Variants in UBE2K observed in about 807,000 individuals in gnomAD.
UBE2K encodes ubiquitin-conjugating enzyme E2 K.
In UBE2K, 6 loss-of-function variants were observed where a neutral mutation model predicts 30.0. That is an observed-to-expected ratio of 0.20 (90% confidence interval 0.11 to 0.39). The LOEUF (loss-of-function observed/expected upper bound fraction) is 0.39. UBE2K is among the 10% of genes least tolerant of loss of function. The pLI is 1.00. For missense variants in UBE2K, 61 were observed against 241.6 expected, an observed-to-expected ratio of 0.25 and a Z score of 4.96; for synonymous variants, 86 against 83.7, an observed-to-expected ratio of 1.03 and a Z score of -0.15.
chr4:39,772,594 G>C (rs1273151407), intron 4 of UBE2K, among the ~76,000 whole-genome samples: 1 of 147,554 alleles, frequency 6.8e-6, no homozygotes, highest in African/African-American at 2.5e-5. Flanking sequence ...AAAGAAGAAT[G>C]ATCTAATTTA....
rs1720442361 is a variant in UBE2K at position 39,737,524 on chromosome 4, T to C, written c.157+11T>C. 6.6e-7 allele frequency: 1 copy of C among 1,506,584 alleles called. No homozygotes were observed. Among genetic ancestry groups the C allele is most frequent in the African/African-American group, 1.4e-5 (1 of 70,204 alleles). The allele number at this position is 1,506,584 out of a possible 1,614,324, so 93.3% of individuals were successfully genotyped here. A position where few individuals can be genotyped will look rare whatever the true frequency, so the allele number is the denominator to read the frequency against. On this transcript the variant is annotated intron_variant, in intron 2 of 6. Transcript: ENST00000261427. The stretch of plus-strand genomic sequence containing the variant: ...ACACACCATATGAAGGCAAGTACTT[T>C]TTTCTGTATCAAAATATTGTGCGTA...
chr4:39,766,078 T>C (rs1356006527), intron 4 of UBE2K, among the ~76,000 whole-genome samples: 10 of 152,194 alleles, frequency 6.6e-5, no homozygotes, highest in Admixed American at 6.5e-4. Flanking sequence ...ATATTAATAC[T>C]CCAGTTACTG....
rs1309167240 is a variant in UBE2K at position 39,779,846 on chromosome 4, T to A, written c.*1412T>A. 6.6e-6 allele frequency: 1 copy of A among 152,194 alleles called. No homozygotes were observed. Among genetic ancestry groups the A allele is most frequent in the African/African-American group, 2.4e-5 (1 of 41,464 alleles). The allele number at this position is 152,194 out of a possible 1,614,324, so 9.4% of individuals were successfully genotyped here. A position where few individuals can be genotyped will look rare whatever the true frequency, so the allele number is the denominator to read the frequency against. On this transcript the variant is annotated 3_prime_UTR_variant, in exon 7 of 7. Coordinates refer to ENST00000261427, the MANE Select transcript of UBE2K (RefSeq NM_005339.5). ...AGGCTGTATATTGAAAGTCATATTA[T>A]AAAAGGTTTGCTTTCTTTAAGTGTT...
At chr4:39,774,786 G>A (rs1164636294) in intron 4 of UBE2K, 48 bp from the exon 5 acceptor site, 1 of 1,203,258 alleles carries the variant, frequency 8.3e-7, no homozygotes, top group Non-Finnish European at 1.1e-6. Context: ...CTTTGCTTTT[G>A]CCTGCAGAGC....
intron 1 of UBE2K, among the ~76,000 whole-genome samples, chr4:39,717,326 C>T (rs1410015754): frequency 6.6e-6 from 1 of 151,702 alleles, no homozygotes; most frequent in Admixed American, 6.6e-5. Context: ...CTCCATCTCC[C>T]GTGTTCAAGC....
intron 1 of UBE2K, among the ~76,000 whole-genome samples, chr4:39,722,915 C>T (rs1016569787): frequency 1.3e-5 from 2 of 151,900 alleles, no homozygotes; most frequent in African/African-American, 4.8e-5. Context: ...CCTGCCTCAG[C>T]CCCCCAAGTA....
chr4:39,698,883 T>C (rs1467537207), intron 1 of UBE2K, among the ~76,000 whole-genome samples: 1 of 152,190 alleles, frequency 6.6e-6, no homozygotes, highest in Non-Finnish European at 1.5e-5. Context: ...GAAGGAGCAG[T>C]GAGTCCTTAG....
chr4:39,764,961 A>C (rs1387878174), intron 4 of UBE2K, among the ~76,000 whole-genome samples: 4 of 151,136 alleles, frequency 2.6e-5, no homozygotes, highest in African/African-American at 9.8e-5. Flanking sequence ...ATCTCGGCTG[A>C]CTGTAAGCTC....
At chr4:39,734,183 C>T (rs143546067) in intron 1 of UBE2K, among the ~76,000 whole-genome samples, 1 of 149,446 alleles carries the variant, frequency 6.7e-6, no homozygotes, top group African/African-American at 2.5e-5. Context: ...TCGGCTCACT[C>T]CAACCTCCAC....
chr4:39,769,528 A>T (rs1299793537), intron 4 of UBE2K, among the ~76,000 whole-genome samples: 1 of 151,306 alleles, frequency 6.6e-6, no homozygotes, highest in African/African-American at 2.4e-5. Flanking sequence ...AGCAAGCCTC[A>T]TACTTGCAGT....
Position 39,698,278 on chromosome 4 carries a change from G to C in UBE2K, c.-50G>C. On this transcript the variant is annotated 5_prime_UTR_variant, in exon 1 of 7. Coordinates refer to ENST00000261427, the MANE Select transcript of UBE2K (RefSeq NM_005339.5). ...GGAAGAGGTGGCGGCGGTGGCGGTG[G>C]TCGTAGCGGTGGCGGAGGAGGCGGG... is the stretch of plus-strand genomic sequence containing the variant. The C allele has an allele frequency of 6.3e-7, 1 of 1,578,832 alleles. No individual in the cohort carries two copies. Among genetic ancestry groups the C allele is most frequent in the East Asian group, 2.3e-5 (1 of 44,018 alleles).
chr4:39,737,530 G>T lies in UBE2K; in HGVS notation c.157+17G>T, dbSNP rs1720442782. On this transcript the variant is annotated intron_variant, in intron 2 of 6. Coordinates refer to ENST00000261427, the MANE Select transcript of UBE2K (RefSeq NM_005339.5). ...CATATGAAGGCAAGTACTTTTTTCT[G>T]TATCAAAATATTGTGCGTATTAGAA... 1 of 1,480,094 alleles carries T rather than the reference G, an allele frequency of 6.8e-7. No homozygotes were observed. The highest frequency in any genetic ancestry group is 9.2e-7 in the Non-Finnish European group (1 of 1,092,098). 91.7% of individuals were successfully genotyped at this position (1,480,094 alleles called of 1,614,324 possible).
intron 1 of UBE2K, among the ~76,000 whole-genome samples, chr4:39,707,159 C>G (rs1181362875): frequency 6.6e-6 from 1 of 152,010 alleles, no homozygotes; most frequent in Non-Finnish European, 1.5e-5. Flanking sequence ...ATCTGGCTGT[C>G]TTGGCCTCCC....
chr4:39,743,496 C>T (rs953149614), intron 2 of UBE2K, among the ~76,000 whole-genome samples: 10 of 151,698 alleles, frequency 6.6e-5, no homozygotes, highest in Middle Eastern at 3.4e-3. Flanking sequence ...CCCAGCTAAT[C>T]GGGAGGCTGA....
chr4:39,738,893 T>G lies in UBE2K; in HGVS notation c.157+1380T>G, dbSNP rs374175505. Among the ~76,000 whole-genome samples, 3 of 152,192 alleles carry G rather than the reference T, an allele frequency of 2.0e-5. No homozygotes were observed. The East Asian group carries it at 5.8e-4, about 29-fold the overall frequency. On this transcript the variant is annotated intron_variant, in intron 2 of 6. Transcript: ENST00000261427. The stretch of plus-strand genomic sequence containing the variant: ...TTTCACAATAACGGCCAGGCTGGTC[T>G]TGAACTTCTGACCTTAGGTGATCCG...
intron 1 of UBE2K, among the ~76,000 whole-genome samples, chr4:39,734,583 G>A (rs2109345721): frequency 6.6e-6 from 1 of 152,250 alleles, no homozygotes; most frequent in South Asian, 2.1e-4. Flanking sequence ...GGCCAAAGGT[G>A]GTGGATCACT....
chr4:39,698,875 A>C (rs1307525686), intron 1 of UBE2K, among the ~76,000 whole-genome samples: 1 of 152,176 alleles, frequency 6.6e-6, no homozygotes, highest in Non-Finnish European at 1.5e-5. Flanking sequence ...TTCTTGGGGA[A>C]GGAGCAGTGA....
intron 1 of UBE2K, among the ~76,000 whole-genome samples, chr4:39,707,166 T>TCC (rs950327205): frequency 6.6e-6 from 1 of 152,048 alleles, no homozygotes; most frequent in African/African-American, 2.4e-5. Flanking sequence ...TGTCTTGGCC[T>TCC]CCCAAAGTGC....
In UBE2K at chr4:39,766,557, A is replaced by G. The variant is rs374352849; in HGVS notation, c.300-8277A>G. 9.7e-4 allele frequency among the ~76,000 whole-genome samples: 148 copies of G among 151,828 alleles called. 1 individual carries two copies. The highest frequency in any genetic ancestry group is 3.2e-3 in the African/African-American group (133 of 41,410). On this transcript the variant is annotated intron_variant, in intron 4 of 6. Coordinates refer to ENST00000261427, the MANE Select transcript of UBE2K (RefSeq NM_005339.5). Reference sequence around the variant, plus strand: ...CCCTCACCAGATAAATGATTTGGAAATATTTTCTCCTGCAACACAGAAGTT... The same window carrying G: ...CCCTCACCAGATAAATGATTTGGAAGTATTTTCTCCTGCAACACAGAAGTT...
Sources: gnomAD v4.1 joint callset for allele counts (sites outside exome capture counted in the v4.1 genomes callset) on GRCh38, gnomAD v4.1.1 for gene constraint, MANE v1.5 for transcripts, NCBI Gene and HGNC (gene_info 2026-07-23, HGNC 2026-07-21) for gene names.